NELL2: variants seen among roughly 807,000 people sequenced by gnomAD.
NELL2 encodes protein kinase C-binding protein NELL2.
In NELL2, 41 loss-of-function variants were observed where a neutral mutation model predicts 109.6. The ratio of observed to expected loss-of-function variants is 0.37; its 90% CI spans 0.29 to 0.49. NELL2 has a LOEUF of 0.49. NELL2 is among the 20% of genes least tolerant of loss of function. NELL2 has a pLI of 0.98. For missense variants in NELL2, 900 were observed against 1,008.3 expected, an observed-to-expected ratio of 0.89 and a Z score of 1.45; for synonymous variants, 355 against 344.7, an observed-to-expected ratio of 1.03 and a Z score of -0.33.
chr12:44,517,378 TCTCTC>T (rs1164182293), intron 19 of NELL2, among the ~76,000 whole-genome samples: 1 of 22,116 alleles, frequency 4.5e-5, no homozygotes, highest in East Asian at 7.2e-4. Context: ...ACTTTCTCTC[TCTCTC>T]TCTCTCTCTC....
chr12:44,807,386 T>C (rs994770993), intron 3 of NELL2, among the ~76,000 whole-genome samples: 2 of 150,592 alleles, frequency 1.3e-5, no homozygotes, highest in Non-Finnish European at 3.0e-5. Context: ...TCTGGACCAA[T>C]GACTCAAAAA....
intron 13 of NELL2, among the ~76,000 whole-genome samples, chr12:44,615,602 T>C (rs1254984994): frequency 2.6e-5 from 4 of 152,134 alleles, no homozygotes; most frequent in African/African-American, 9.7e-5. Context: ...TTAATGCTTG[T>C]GTTTTTCCCA....
At chr12:44,685,577 C>T (rs917887077) in intron 12 of NELL2, among the ~76,000 whole-genome samples, 13 of 151,922 alleles carry the variant, frequency 8.6e-5, no homozygotes, top group Non-Finnish European at 1.6e-4. Context: ...CAATGTTTAG[C>T]GCTTCCTTCA....
At chr12:44,755,224 TACC>T (rs1274510994) in intron 9 of NELL2, among the ~76,000 whole-genome samples, 2 of 152,176 alleles carry the variant, frequency 1.3e-5, no homozygotes, top group Non-Finnish European at 2.9e-5. Flanking sequence ...CAAATTCTTT[TACC>T]ACCATGGATA....
intron 15 of NELL2, among the ~76,000 whole-genome samples, chr12:44,549,021 T>C (rs1942919364): frequency 6.6e-6 from 1 of 152,226 alleles, no homozygotes; most frequent in Non-Finnish European, 1.5e-5. Flanking sequence ...TTCACTTAAC[T>C]AGGAAAGTGA....
intron 1 of NELL2, among the ~76,000 whole-genome samples, chr12:44,897,247 G>A (rs1249154915): frequency 6.6e-6 from 1 of 152,118 alleles, no homozygotes; most frequent in Non-Finnish European, 1.5e-5. Context: ...GAAAACTAAT[G>A]AAGGTTCATA....
chr12:44,890,314 A>G (rs540854531), intron 1 of NELL2, among the ~76,000 whole-genome samples: 2 of 152,306 alleles, frequency 1.3e-5, no homozygotes, highest in Admixed American at 1.3e-4. Context: ...TCACAGCGCT[A>G]AGTACAGGAC....
chr12:44,508,873 T>G lies in NELL2; in HGVS notation c.*61A>C. On this transcript the variant is annotated 3_prime_UTR_variant, in exon 20 of 20. Coordinates refer to ENST00000429094, the MANE Select transcript of NELL2 (RefSeq NM_001145108.2). ...ATCACCCAATTTAAGTTTTAACTTC[T>G]TTTTGGTCTTTTAATGAAAGAACAT... 3 of 1,454,378 alleles carry G rather than the reference T, an allele frequency of 2.1e-6. No homozygotes were observed. Among genetic ancestry groups the G allele is most frequent in the Non-Finnish European group, 2.9e-6 (3 of 1,048,502 alleles). 90.1% of individuals were successfully genotyped at this position (1,454,378 alleles called of 1,614,324 possible).
At chr12:44,641,072 G>A (rs938029828) in intron 13 of NELL2, among the ~76,000 whole-genome samples, 5 of 152,020 alleles carry the variant, frequency 3.3e-5, no homozygotes, top group Admixed American at 2.6e-4. Flanking sequence ...AGCCCTCACC[G>A]CTAGTTAAAA....
At chr12:44,814,322 C>A (rs1349556234) in intron 3 of NELL2, among the ~76,000 whole-genome samples, 4 of 152,106 alleles carry the variant, frequency 2.6e-5, no homozygotes, top group Non-Finnish European at 1.5e-5. Flanking sequence ...ATCTAATGTG[C>A]AAAATTAAGG....
chr12:44,556,753 C>T (rs1052059746), intron 15 of NELL2, among the ~76,000 whole-genome samples: 13 of 152,120 alleles, frequency 8.5e-5, no homozygotes, highest in East Asian at 1.9e-4. Context: ...CTGCCAGAAA[C>T]GCTATGCAAA....
intron 2 of NELL2, among the ~76,000 whole-genome samples, chr12:44,830,856 ATAT>A (rs1943865072): frequency 1.3e-5 from 2 of 151,892 alleles, no homozygotes; most frequent in Non-Finnish European, 2.9e-5. Flanking sequence ...TGAGGCTTTG[ATAT>A]TCTGTCAGGA....
intron 15 of NELL2, among the ~76,000 whole-genome samples, chr12:44,546,556 T>C (rs1490709155): frequency 6.6e-6 from 1 of 152,222 alleles, no homozygotes; most frequent in Non-Finnish European, 1.5e-5. Flanking sequence ...GCTATGTGTT[T>C]CTTAAACACA....
chr12:44,575,464 C>A (rs1336519579), intron 15 of NELL2, among the ~76,000 whole-genome samples: 1 of 152,202 alleles, frequency 6.6e-6, no homozygotes, highest in East Asian at 1.9e-4. Context: ...TCTGCCTCTA[C>A]CTAGCATCAG....
intron 1 of NELL2, among the ~76,000 whole-genome samples, chr12:44,886,874 A>AC (rs1555232875): frequency 6.6e-6 from 1 of 150,468 alleles, no homozygotes. Context: ...TATGAGATCT[A>AC]TTTTTTTTTA....
chr12:44,786,950 G>A (rs188184541), intron 3 of NELL2, among the ~76,000 whole-genome samples: 3 of 151,882 alleles, frequency 2.0e-5, no homozygotes, highest in Admixed American at 2.0e-4. Flanking sequence ...CTAGATGATG[G>A]GTTGATGGGT....
intron 13 of NELL2, among the ~76,000 whole-genome samples, chr12:44,632,494 G>A (rs1460188009): frequency 6.6e-6 from 1 of 152,078 alleles, no homozygotes; most frequent in Non-Finnish European, 1.5e-5. Flanking sequence ...CCTCACTTAA[G>A]TGATGAAGAT....
chr12:44,748,023 T>C (rs1041207365), intron 9 of NELL2, among the ~76,000 whole-genome samples: 1 of 152,148 alleles, frequency 6.6e-6, no homozygotes, highest in African/African-American at 2.4e-5. Flanking sequence ...TACTGTCCCT[T>C]ATCTGACTCT....
chr12:44,886,507 T>G (rs1226245951), intron 1 of NELL2, among the ~76,000 whole-genome samples: 1 of 151,922 alleles, frequency 6.6e-6, no homozygotes, highest in East Asian at 1.9e-4. Flanking sequence ...GGCAAAATAT[T>G]TATTTTTTGC....
Sources: gnomAD v4.1 joint callset for allele counts (sites outside exome capture counted in the v4.1 genomes callset) on GRCh38, gnomAD v4.1.1 for gene constraint, MANE v1.5 for transcripts, NCBI Gene and HGNC (gene_info 2026-07-23, HGNC 2026-07-21) for gene names.